SCYL3: variants seen among roughly 807,000 people sequenced by gnomAD.
The protein encoded by SCYL3 is SCY1 like pseudokinase 3, also known as protein-associating with the carboxyl-terminal domain of ezrin.
A neutral mutation model predicts 73.8 loss-of-function variants in SCYL3; 35 were observed. That is an observed-to-expected ratio of 0.47 (90% confidence interval 0.36 to 0.63). The LOEUF (loss-of-function observed/expected upper bound fraction) is 0.63, where lower values mean the gene tolerates loss of function less well. SCYL3 is among the 20% of genes least tolerant of loss of function. The pLI is 0.00. For missense variants in SCYL3, 712 were observed against 798.9 expected (o/e 0.89, Z 1.31); for synonymous variants, 277 against 295.2 (o/e 0.94, Z 0.63).
At chr1:169,858,815 T>A (rs1382743729) in intron 11 of SCYL3, among the ~76,000 whole-genome samples, 3 of 152,116 alleles carry the variant, frequency 2.0e-5, no homozygotes, top group Admixed American at 6.6e-5. Context: ...CATGACTCTC[T>A]ATGCACGTGT....
Position 169,866,991 on chromosome 1 carries a change from A to T in SCYL3, c.738-18T>A. Reference sequence around the variant, plus strand: ...AATCATTTCTAAATGCCAAAAAGAGAAGGAATTCAGCAGAACAGATTAGAG... The same window carrying T: ...AATCATTTCTAAATGCCAAAAAGAGTAGGAATTCAGCAGAACAGATTAGAG... On this transcript the variant is annotated intron_variant, in intron 7 of 12. Transcript: ENST00000367771. 1 of 1,411,270 alleles carries T rather than the reference A, an allele frequency of 7.1e-7. No individual in the cohort carries two copies. Among genetic ancestry groups the T allele is most frequent in the South Asian group, 1.2e-5 (1 of 84,164 alleles). The allele number at this position is 1,411,270 out of a possible 1,614,324, so 87.4% of individuals were successfully genotyped here.
intron 11 of SCYL3, among the ~76,000 whole-genome samples, 163 bp from the exon 12 acceptor site, chr1:169,855,127 A>G (rs9659149): frequency 6.6e-6 from 1 of 152,200 alleles, no homozygotes; most frequent in East Asian, 1.9e-4. Context: ...CTCAAGATCA[A>G]CGATGTCACA....
chr1:169,882,851 C>G (rs1325531900), intron 2 of SCYL3, among the ~76,000 whole-genome samples: 1 of 152,126 alleles, frequency 6.6e-6, no homozygotes, highest in East Asian at 1.9e-4. Flanking sequence ...AAATCAGCGC[C>G]CTGTCAAAAC....
intron 12 of SCYL3, 179 bp downstream of exon 12, chr1:169,854,091 C>G: frequency 3.4e-6 from 2 of 595,984 alleles, no homozygotes; most frequent in Non-Finnish European, 5.7e-6. Flanking sequence ...CTAAGCATTG[C>G]TACATTTTTC....
At chr1:169,887,481 A>T (rs12144624) in intron 2 of SCYL3, among the ~76,000 whole-genome samples, 9,997 of 152,186 alleles carry the variant, frequency 0.066, 429 homozygotes, top group Non-Finnish European at 0.1. Flanking sequence ...ATAGTTTATT[A>T]AAAAAAATGC....
intron 2 of SCYL3, among the ~76,000 whole-genome samples, chr1:169,884,043 A>G (rs1043618434): frequency 1.3e-5 from 2 of 151,962 alleles, no homozygotes; most frequent in Non-Finnish European, 2.9e-5. Context: ...ATTTTCTTAT[A>G]ATAATCTCAA....
chr1:169,864,326 C>T, intron 9 of SCYL3, 43 bp downstream of exon 9: 2 of 1,613,052 alleles, frequency 1.2e-6, no homozygotes, highest in Non-Finnish European at 1.7e-6. Flanking sequence ...CTAATAATCA[C>T]CAAACTTCTT....
At chr1:169,878,895 A>G in intron 2 of SCYL3, 76 bp from the exon 3 acceptor site, 1 of 1,307,202 alleles carries the variant, frequency 7.6e-7, no homozygotes, top group Non-Finnish European at 1.1e-6. Context: ...TTATGGGGGA[A>G]ATCAGAAAAT....
At chr1:169,874,881 C>T (rs944769118) in intron 4 of SCYL3, among the ~76,000 whole-genome samples, 3 of 152,092 alleles carry the variant, frequency 2.0e-5, no homozygotes, top group South Asian at 2.1e-4. Flanking sequence ...AAGCCGAGAT[C>T]GCACCACTGC....
In SCYL3 at chr1:169,866,626, G is replaced by A. The variant is rs547995097; in HGVS notation, c.815+270C>T. On this transcript the variant is annotated intron_variant, in intron 8 of 12. Transcript: ENST00000367771. ...CTGCCTAGAATACCTTTTCTCTAAC[G>A]ACCTCCTCCTGCCCTGTGTGTTCTC... is the stretch of plus-strand genomic sequence containing the variant. Among the ~76,000 whole-genome samples, 4 of 152,106 alleles carry A rather than the reference G, an allele frequency of 2.6e-5. No homozygotes were observed. The South Asian group carries it at 6.2e-4, about 24-fold the overall frequency.
chr1:169,855,227 C>CCAAA (rs1659021427), intron 11 of SCYL3, among the ~76,000 whole-genome samples: 1 of 152,266 alleles, frequency 6.6e-6, no homozygotes, highest in Non-Finnish European at 1.5e-5. Context: ...TATTAAATAT[C>CCAAA]CAAACATACA....
chr1:169,860,766 C>A (rs191329639), intron 10 of SCYL3, among the ~76,000 whole-genome samples: 37 of 152,264 alleles, frequency 2.4e-4, no homozygotes, highest in South Asian at 1.9e-3. Flanking sequence ...TGAGTACTAC[C>A]CCTTCTGTGT....
chr1:169,886,419 T>A (rs1182913553), intron 2 of SCYL3, among the ~76,000 whole-genome samples: 1 of 152,206 alleles, frequency 6.6e-6, no homozygotes, highest in African/African-American at 2.4e-5. Flanking sequence ...CCACACAATG[T>A]GCATTCTTAA....
At position 169,866,275 on chromosome 1, in the gene SCYL3, T is replaced by G. The variant is rs564590924; in HGVS notation, c.815+621A>C. On this transcript the variant is annotated intron_variant, in intron 8 of 12. Transcript: ENST00000367771. The stretch of plus-strand genomic sequence containing the variant: ...TTGGAGACATTAATGCCCTTATGTG[T>G]GGCTTCATATTTACTGCCTGGACTA... Among the ~76,000 whole-genome samples, 20 of 152,332 alleles carry G rather than the reference T, an allele frequency of 1.3e-4. No homozygotes were observed. The South Asian group carries it at 4.1e-3, about 32-fold the overall frequency.
intron 1 of SCYL3, 90 bp from the exon 2 acceptor site, chr1:169,888,980 A>C (rs1661870383): frequency 1.6e-6 from 1 of 636,594 alleles, no homozygotes; most frequent in South Asian, 3.5e-5. Context: ...CCAAACTACT[A>C]GTTTCTTTGA....
rs772599046 is a variant in SCYL3, at chr1:169,851,966, T to C, written c.*1747A>G. On this transcript the variant is annotated 3_prime_UTR_variant, in exon 13 of 13. Coordinates refer to ENST00000367771, the MANE Select transcript of SCYL3 (RefSeq NM_020423.7). ...GGGCTGATTTCAATAGGGGCCAAACTTTAACAAGGCAAATTCTGCCCTTTT... is the reference window on the plus strand; with the variant it reads ...GGGCTGATTTCAATAGGGGCCAAACCTTAACAAGGCAAATTCTGCCCTTTT... The C allele has an allele frequency of 4.3e-6, 7 of 1,613,834 alleles. No homozygotes were observed. The South Asian group carries it at 6.6e-5, about 15-fold the overall frequency.
At chr1:169,863,621 G>C (rs1659821212) in intron 9 of SCYL3, among the ~76,000 whole-genome samples, 1 of 152,086 alleles carries the variant, frequency 6.6e-6, no homozygotes, top group Non-Finnish European at 1.5e-5. Context: ...AGAACCAATG[G>C]ATCAAGCAAA....
intron 11 of SCYL3, among the ~76,000 whole-genome samples, chr1:169,856,616 G>A (rs1040824747): frequency 6.6e-6 from 1 of 152,102 alleles, no homozygotes; most frequent in African/African-American, 2.4e-5. Flanking sequence ...CTCAGGCCAG[G>A]CCTCTACAAG....
At chr1:169,862,212 C>T (rs905962499) in intron 10 of SCYL3, among the ~76,000 whole-genome samples, 9 of 152,228 alleles carry the variant, frequency 5.9e-5, no homozygotes, top group African/African-American at 1.2e-4. Context: ...CTTTGGTGGG[C>T]AAATCATAAT....
Sources: allele counts gnomAD v4.1 joint callset (sites outside exome capture counted in the v4.1 genomes callset), GRCh38; gene constraint gnomAD v4.1.1; transcripts MANE v1.5; gene names NCBI Gene and HGNC (gene_info 2026-07-23, HGNC 2026-07-21).